DPP6: variants seen among roughly 807,000 people sequenced by gnomAD.
The protein encoded by DPP6 is dipeptidyl peptidase like 6.
A neutral mutation model predicts 122.6 loss-of-function variants in DPP6; 69 were observed. That is an observed-to-expected ratio of 0.56 (90% confidence interval 0.46 to 0.69). The LOEUF (loss-of-function observed/expected upper bound fraction) is 0.69. DPP6 is among the 30% of genes least tolerant of loss of function. The pLI is 0.00. For synonymous variants in DPP6, 418 were observed against 433.1 expected (o/e 0.97, Z 0.43); for missense variants, 928 against 1,116.9 (o/e 0.83, Z 2.41).
At chr7:154,131,919 AATACAAAAAGGACTTGG>A (rs1795303352) in intron 1 of DPP6, among the ~76,000 whole-genome samples, 1 of 152,212 alleles carries the variant, frequency 6.6e-6, no homozygotes, top group South Asian at 2.1e-4. Context: ...TTAGCCTGAA[AATACAAAAAGGACTTGG>A]ATATTTCATT....
chr7:154,599,208 C>G (rs1165668892), intron 5 of DPP6, among the ~76,000 whole-genome samples: 2 of 152,150 alleles, frequency 1.3e-5, no homozygotes, highest in South Asian at 4.1e-4. Flanking sequence ...AGCAGTCTCC[C>G]CTCTCTGTAG....
rs1476992472 is a variant in DPP6, at chr7:154,336,458, G to A, written c.244-109756G>A. Among the ~76,000 whole-genome samples, 6 of 152,082 alleles carry A rather than the reference G, an allele frequency of 3.9e-5. No homozygotes were observed. The South Asian group carries it at 1.0e-3, about 26-fold the overall frequency. ...ACTGGGCAGGCGGGGTATGGAGAAC[G>A]CAGCCACACGGCCGCCACTCCTGCT... On this transcript the variant is annotated intron_variant, in intron 1 of 25. Coordinates refer to ENST00000377770, the MANE Select transcript of DPP6 (RefSeq NM_130797.4).
chr7:153,844,008 C>T, the DPP6 span, among the ~76,000 whole-genome samples: 2 of 152,144 alleles, frequency 1.3e-5, no homozygotes, highest in African/African-American at 4.8e-5. Context: ...TTTATAGGCT[C>T]TCCACAAGGG....
Position 154,535,896 on chromosome 7 carries a change from C to T in DPP6, c.458-4636C>T, listed in dbSNP as rs559772660. 5.6e-4 allele frequency among the ~76,000 whole-genome samples: 85 copies of T among 152,244 alleles called. 1 individual carries two copies. The highest frequency in any genetic ancestry group is 2.0e-3 in the African/African-American group (82 of 41,538). On this transcript the variant is annotated intron_variant, in intron 3 of 25. Coordinates refer to ENST00000377770, the MANE Select transcript of DPP6 (RefSeq NM_130797.4). ...CAACTGATAGTGAAGAAATGATGTG[C>T]ATGTGACTCTTATACAATTGATGGT... is the stretch of plus-strand genomic sequence containing the variant.
the DPP6 span, among the ~76,000 whole-genome samples, chr7:153,880,591 C>T: frequency 3.3e-5 from 5 of 152,304 alleles, no homozygotes; most frequent in East Asian, 7.7e-4. Context: ...CGACATGTGA[C>T]GTGAGACATG....
chr7:154,104,852 G>A (rs1465429090), intron 1 of DPP6, among the ~76,000 whole-genome samples: 14 of 152,176 alleles, frequency 9.2e-5, no homozygotes, highest in African/African-American at 1.2e-4. Flanking sequence ...GCTGGGAGTC[G>A]TGGCATACCT....
intron 2 of DPP6, among the ~76,000 whole-genome samples, chr7:154,473,773 G>C (rs573665862): frequency 1.9e-4 from 29 of 152,264 alleles, no homozygotes; most frequent in African/African-American, 6.7e-4. Context: ...GTAACAGCCA[G>C]AAATTGAAAC....
chr7:154,479,347 A>C (rs1395163849), intron 3 of DPP6, among the ~76,000 whole-genome samples: 2 of 151,922 alleles, frequency 1.3e-5, no homozygotes, highest in African/African-American at 2.4e-5. Flanking sequence ...CATTTGAGGT[A>C]AGGAGTTCGA....
intron 3 of DPP6, among the ~76,000 whole-genome samples, chr7:154,533,326 T>C (rs1827988413): frequency 6.6e-6 from 1 of 152,210 alleles, no homozygotes; most frequent in African/African-American, 2.4e-5. Flanking sequence ...CAATACATTT[T>C]ACAAGCTAGA....
chr7:154,710,831 G>A (rs1285315903), intron 7 of DPP6, among the ~76,000 whole-genome samples: 5 of 152,244 alleles, frequency 3.3e-5, no homozygotes, highest in Admixed American at 1.3e-4. Context: ...AGACTCTCCT[G>A]TGGGCTTCAG....
the DPP6 span, among the ~76,000 whole-genome samples, chr7:153,786,740 G>GGAAAAAAAAAAAA: frequency 3.1e-5 from 1 of 31,782 alleles, no homozygotes; most frequent in African/African-American, 1.0e-4. Flanking sequence ...CTCCGTCTCA[G>GGAAAAAAAAAAAA]AAAAAAAAAA....
chr7:154,684,843 A>G (rs1839503842), intron 7 of DPP6, among the ~76,000 whole-genome samples: 1 of 152,226 alleles, frequency 6.6e-6, no homozygotes, highest in Non-Finnish European at 1.5e-5. Flanking sequence ...GTCCTCAGAT[A>G]CCACTGCTGT....
chr7:153,986,805 G>A (rs1796869134), intron 1 of DPP6, among the ~76,000 whole-genome samples: 2 of 152,010 alleles, frequency 1.3e-5, no homozygotes, highest in African/African-American at 4.8e-5. Context: ...CAAGTGATTT[G>A]TAAACTCTTG....
At chr7:154,658,783 G>A (rs1837434233) in intron 6 of DPP6, among the ~76,000 whole-genome samples, 1 of 152,208 alleles carries the variant, frequency 6.6e-6, no homozygotes, top group African/African-American at 2.4e-5. Flanking sequence ...TGGCATTGAG[G>A]ACAGACGTGT....
At chr7:154,860,192 C>A (rs1803257383) in intron 17 of DPP6, among the ~76,000 whole-genome samples, 1 of 152,154 alleles carries the variant, frequency 6.6e-6, no homozygotes, top group African/African-American at 2.4e-5. Context: ...CGCACCCCTG[C>A]CCCACCTTCT....
chr7:153,964,265 A>G (rs28681193), intron 1 of DPP6, among the ~76,000 whole-genome samples: 9,919 of 152,000 alleles, frequency 0.065, 1,071 homozygotes, highest in African/African-American at 0.23. Context: ...CAAAGTGCTG[A>G]GATTACAGGC....
At chr7:154,555,506 A>G (rs530508888) in intron 4 of DPP6, among the ~76,000 whole-genome samples, 5 of 152,112 alleles carry the variant, frequency 3.3e-5, no homozygotes, top group Non-Finnish European at 7.4e-5. Context: ...TAGGAGATAT[A>G]CCTAATGCTA....
At chr7:153,783,082 G>A in the DPP6 span, among the ~76,000 whole-genome samples, 1 of 152,170 alleles carries the variant, frequency 6.6e-6, no homozygotes, top group South Asian at 2.1e-4. Flanking sequence ...GAGAAGCAGG[G>A]AAACTGACGA....
At chr7:153,969,724 T>C (rs1795937528) in intron 1 of DPP6, among the ~76,000 whole-genome samples, 1 of 141,094 alleles carries the variant, frequency 7.1e-6, no homozygotes, top group Non-Finnish European at 1.5e-5. Context: ...TTCTCTAATT[T>C]AAGAGTGCAG....
Sources: gnomAD v4.1 joint callset for allele counts (sites outside exome capture counted in the v4.1 genomes callset) on GRCh38, gnomAD v4.1.1 for gene constraint, MANE v1.5 for transcripts, NCBI Gene and HGNC (gene_info 2026-07-23, HGNC 2026-07-21) for gene names.